The following CDIN1 variants were observed in gnomAD, a reference collection of about 807,000 sequenced individuals.
CDIN1 encodes CDAN1 interacting nuclease 1.
Under a neutral mutation model 45.3 loss-of-function variants are expected in CDIN1, and 33 were observed. The ratio of observed to expected loss-of-function variants is 0.73; its 90% CI spans 0.55 to 0.97. CDIN1 has a LOEUF of 0.97. Among genes scored for constraint, CDIN1 ranks in the 50% least tolerant of loss-of-function variants. The pLI is 0.00. For synonymous variants in CDIN1, 118 were observed against 124.4 expected, an observed-to-expected ratio of 0.95 and a Z score of 0.34; for missense variants, 303 against 339.4, an observed-to-expected ratio of 0.89 and a Z score of 0.84.
Position 36,780,820 on chromosome 15 carries a change from G to C in CDIN1, c.717-27504G>C, listed in dbSNP as rs139328484. 3.6e-3 allele frequency among the ~76,000 whole-genome samples: 555 copies of C among 152,290 alleles called. 3 individuals are homozygous for C. The highest frequency in any genetic ancestry group is 0.013 in the African/African-American group (525 of 41,566). ...GGTCAGAGAACTAGTAAGTGGCCGA[G>C]CTAGGAATCCAACACACGTCCAACT... On this transcript the variant is annotated intron_variant, in intron 10 of 10. Transcript: ENST00000566621.
At chr15:36,604,418 T>TACACACACACACACACACACACACAC (rs144533313) in intron 1 of CDIN1, among the ~76,000 whole-genome samples, 7 of 128,860 alleles carry the variant, frequency 5.4e-5, no homozygotes, top group East Asian at 5.0e-4. Context: ...TTTTAAAAGG[T>TACACACACACACACACACACACACAC]ACACACACAC....
intron 10 of CDIN1, among the ~76,000 whole-genome samples, chr15:36,761,259 C>T (rs1285739918): frequency 6.6e-6 from 1 of 152,188 alleles, no homozygotes; most frequent in Non-Finnish European, 1.5e-5. Flanking sequence ...TGCCCACTTT[C>T]CTGTGCCTTT....
rs2054159265 is a variant in CDIN1, at chr15:36,774,175, CATGCAT to C, written c.717-34148_717-34143del. 2.1e-5 allele frequency among the ~76,000 whole-genome samples: 3 copies of C among 140,538 alleles called. No individual in the cohort carries two copies. In the South Asian group the frequency reaches 6.4e-4, roughly 30 times the overall value. The allele number at this position is 140,538 out of a possible 152,430, so 92.2% of individuals were successfully genotyped here. Reference sequence around the variant, plus strand: ...GTGTGTGTGTGTGTGCGCGCGCGCGCATGCATGAGGGGAGACACAATCATAGCCCCT... The same window carrying C: ...GTGTGTGTGTGTGTGCGCGCGCGCGCGAGGGGAGACACAATCATAGCCCCT... On this transcript the variant is annotated intron_variant, in intron 10 of 10. Transcript: ENST00000566621.
At chr15:36,627,277 T>C (rs1161258277) in intron 1 of CDIN1, 1 of 163,112 alleles carries the variant, frequency 6.1e-6, no homozygotes, top group Non-Finnish European at 1.4e-5. Flanking sequence ...GAGACATGGC[T>C]GTCCTGAGCC....
intron 1 of CDIN1, among the ~76,000 whole-genome samples, chr15:36,639,922 G>A (rs905736091): frequency 6.6e-6 from 1 of 152,146 alleles, no homozygotes; most frequent in Non-Finnish European, 1.5e-5. Context: ...GATATTTGCT[G>A]TGGTTAGGCA....
chr15:36,734,535 C>T (rs1480108587), intron 10 of CDIN1, among the ~76,000 whole-genome samples: 1 of 151,962 alleles, frequency 6.6e-6, no homozygotes, highest in African/African-American at 2.4e-5. Context: ...TATAAATAAC[C>T]CAAGTTTGTT....
chr15:36,755,863 C>T (rs1386085706), intron 10 of CDIN1: 2 of 247,784 alleles, frequency 8.1e-6, no homozygotes, highest in Non-Finnish European at 8.1e-6. Flanking sequence ...ATCACAAGAG[C>T]GAACTTAAGG....
chr15:36,667,035 T>C (rs564358754), intron 5 of CDIN1, among the ~76,000 whole-genome samples: 16 of 148,376 alleles, frequency 1.1e-4, no homozygotes, highest in African/African-American at 4.2e-4. Context: ...GCAGTGACAA[T>C]GTGATTCCAG....
At chr15:36,765,763 G>A (rs3886385) in intron 10 of CDIN1, among the ~76,000 whole-genome samples, 20,937 of 152,078 alleles carry the variant, frequency 0.14, 1,630 homozygotes, top group African/African-American at 0.19. Flanking sequence ...TCTATTTAAT[G>A]TATACAATTT....
intron 10 of CDIN1, among the ~76,000 whole-genome samples, chr15:36,736,921 C>A (rs1022558097): frequency 5.3e-5 from 8 of 152,028 alleles, no homozygotes; most frequent in Admixed American, 5.2e-4. Context: ...AATCCCAGCA[C>A]TTTGGGAGGC....
intron 8 of CDIN1, among the ~76,000 whole-genome samples, chr15:36,697,864 GA>G (rs1414039328): frequency 6.6e-6 from 1 of 151,976 alleles, no homozygotes; most frequent in African/African-American, 2.4e-5. Context: ...GATTTATTAT[GA>G]TTTTTTAAAA....
chr15:36,654,513 C>CAAAA (rs35679788), intron 4 of CDIN1, among the ~76,000 whole-genome samples: 4 of 95,298 alleles, frequency 4.2e-5, no homozygotes, highest in African/African-American at 1.2e-4. Flanking sequence ...AGATGGATGC[C>CAAAA]AAAAAAAAAA....
intron 10 of CDIN1, among the ~76,000 whole-genome samples, chr15:36,760,487 T>C (rs541101361): frequency 1.2e-4 from 18 of 152,370 alleles, no homozygotes; most frequent in Non-Finnish European, 2.4e-4. Flanking sequence ...CTTGCACATA[T>C]GCGTTTGTTT....
At chr15:36,613,049 A>C (rs762200730) in intron 1 of CDIN1, among the ~76,000 whole-genome samples, 1 of 152,220 alleles carries the variant, frequency 6.6e-6, no homozygotes. Context: ...TTAGGAGCAC[A>C]CACTCTCTTA....
At position 36,697,380 on chromosome 15, in the gene CDIN1, G is replaced by A. The variant is rs766683888; in HGVS notation, c.534G>A (p.Leu178=). The A allele has an allele frequency of 1.2e-6, 2 of 1,611,436 alleles. No individual in the cohort carries two copies. Among genetic ancestry groups the A allele is most frequent in the South Asian group, 2.2e-5 (2 of 90,756 alleles). Residue 178 remains leucine (L), a synonymous_variant, in exon 8 of 11, where the codon CTG becomes CTA. Transcript: ENST00000566621. ...LLRDLLLEKN[L]SFLDEDQLRA... ...GAGACTTGCTTCTAGAGAAAAACCTGTCCTTCCTAGGTAAGTATTATTCAC... is the reference window on the plus strand; with the variant it reads ...GAGACTTGCTTCTAGAGAAAAACCTATCCTTCCTAGGTAAGTATTATTCAC...
chr15:36,624,518 CTA>C (rs2039332462), intron 1 of CDIN1, among the ~76,000 whole-genome samples: 1 of 152,110 alleles, frequency 6.6e-6, no homozygotes, highest in African/African-American at 2.4e-5. Flanking sequence ...GATTGAAAAT[CTA>C]TAGTTTTTTC....
intron 5 of CDIN1, among the ~76,000 whole-genome samples, chr15:36,676,470 A>G (rs1457737558): frequency 6.6e-6 from 1 of 152,196 alleles, no homozygotes; most frequent in Non-Finnish European, 1.5e-5. Context: ...AGAGGGAATT[A>G]TTAGAGAGGC....
intron 1 of CDIN1, among the ~76,000 whole-genome samples, chr15:36,589,866 A>C (rs980713281): frequency 3.9e-5 from 6 of 152,324 alleles, no homozygotes; most frequent in Admixed American, 1.3e-4. Flanking sequence ...TGGTCGGTCC[A>C]TGGGTTTGAA....
intron 10 of CDIN1, among the ~76,000 whole-genome samples, chr15:36,749,795 A>G (rs2053409754): frequency 6.6e-6 from 1 of 152,056 alleles, no homozygotes; most frequent in Non-Finnish European, 1.5e-5. Flanking sequence ...TATCTATGTT[A>G]TTTTCACCAG....
Sources: gnomAD v4.1 joint callset for allele counts (sites outside exome capture counted in the v4.1 genomes callset) on GRCh38, gnomAD v4.1.1 for gene constraint, MANE v1.5 for transcripts, NCBI Gene and HGNC (gene_info 2026-07-23, HGNC 2026-07-21) for gene names.